The following ITGB4 variants were observed in gnomAD, a reference collection of about 807,000 sequenced individuals.
The protein encoded by ITGB4 is integrin subunit beta 4.
A neutral mutation model predicts 207.6 loss-of-function variants in ITGB4; 159 were observed. That is an observed-to-expected ratio of 0.77 (90% confidence interval 0.67 to 0.87). The LOEUF (loss-of-function observed/expected upper bound fraction) is 0.87. ITGB4 is among the 40% of genes least tolerant of loss of function. The pLI is 0.00. For synonymous variants in ITGB4, 1,020 were observed against 1,062.7 expected, an observed-to-expected ratio of 0.96 and a Z score of 0.78; for missense variants, 2,278 against 2,546.8, an observed-to-expected ratio of 0.89 and a Z score of 2.27.
In ITGB4 at chr17:75,742,728, C is replaced by T. The variant is rs145976111; in HGVS notation, c.2929C>T (p.Arg977Cys). The T allele has an allele frequency of 2.9e-3, 4,631 of 1,612,512 alleles. 17 individuals carry two copies. Among genetic ancestry groups the T allele is most frequent in the Middle Eastern group, 0.012 (72 of 6,062 alleles). The change falls in exon 25 of 40, where the codon CGC (arginine) becomes TGC (cysteine). Residue 977 changes from arginine to cysteine, a missense_variant. Physicochemically the swap from Arg to Cys is radical, Grantham distance 180 (BLOSUM62 -3). Transcript: ENST00000200181. The surrounding 1 kb of genome is among the most constrained non-coding windows in gnomAD (Gnocchi z 5.9). Reference protein sequence around the residue: ...VPAGTATLGRRLVNITIIKEQ... With the variant: ...VPAGTATLGRCLVNITIIKEQ... ...CGCAGGCACTGCCACCCTCGGCCGC[C>T]GCCTGGTAAACATCACCATCATCAA...
In ITGB4 at chr17:75,730,256, C is replaced by T. The variant is rs201494421; in HGVS notation, c.754C>T (p.Arg252Cys). ...TAVCTRDIGW[R>C]PDSTHLLVFS... ...CCTTCCCCAGAGGGACATTGGCTGG[C>T]GCCCGGACAGCACCCACCTGCTGGT... Residue 252 changes from arginine to cysteine, a missense_variant, in exon 8 of 40, where the codon CGC (arginine) becomes TGC (cysteine). Physicochemically the swap from Arg to Cys is radical, Grantham distance 180 (BLOSUM62 -3). Transcript: ENST00000200181. The T allele has an allele frequency of 9.3e-6, 15 of 1,612,004 alleles. No individual in the cohort carries two copies. Among genetic ancestry groups the T allele is most frequent in the South Asian group, 5.5e-5 (5 of 91,070 alleles).
chr17:75,740,368 G>A lies in ITGB4; in HGVS notation c.2457G>A (p.Gly819=). The part of the protein sequence containing the change: ...SINPTELVPY[G]LSLRLARLCT... ...ACCGCCTTTCCTTAGTGCCCTACGG[G>A]CTGTCCTTGCGCCTGGCCCGCCTTT... Residue 819 remains glycine, a synonymous_variant, in exon 21 of 40, where the codon GGG becomes GGA. Coordinates refer to ENST00000200181, the MANE Select transcript of ITGB4 (RefSeq NM_000213.5). The surrounding 1 kb of genome is among the most constrained non-coding windows in gnomAD (Gnocchi z 5.9). 1 of 1,613,444 alleles carries A rather than the reference G, an allele frequency of 6.2e-7. No individual in the cohort carries two copies. The highest frequency in any genetic ancestry group is 8.5e-7 in the Non-Finnish European group (1 of 1,179,970).
Position 75,732,290 on chromosome 17 carries a change from G to A in ITGB4, c.1454+51G>A. On this transcript the variant is annotated intron_variant, in intron 12 of 39. Transcript: ENST00000200181. This position sits in a 1 kb window ranked among gnomAD's most constrained non-coding sequence, Gnocchi z 5.3. ...CCAGGACACCAGTGGCCCCTGATGG[G>A]AAAGCTGGGCTCCTGCAGGGGCCTG... 1 of 1,568,010 alleles carries A rather than the reference G, an allele frequency of 6.4e-7. No individual in the cohort carries two copies. The highest frequency in any genetic ancestry group is 8.8e-7 in the Non-Finnish European group (1 of 1,138,876).
intron 30 of ITGB4, 130 bp from the exon 31 acceptor site, chr17:75,752,044 C>A: frequency 1.0e-6 from 1 of 999,210 alleles, no homozygotes; most frequent in South Asian, 1.3e-5. Context: ...TCAGCAGTGG[C>A]TGGCTTTGCC....
rs1407165838 is a variant in ITGB4 at position 75,751,054 on chromosome 17, A to G, written c.3736A>G (p.Thr1246Ala). 1.8e-5 allele frequency: 29 copies of G among 1,613,882 alleles called. No homozygotes were observed. The highest frequency in any genetic ancestry group is 2.5e-5 in the Non-Finnish European group (29 of 1,180,022). The change falls in exon 30 of 40, where the codon ACC becomes GCC. Residue 1246 changes from threonine (T) to alanine (A), a missense_variant. By Grantham distance (58) the Thr-to-Ala change is moderately conservative. Coordinates refer to ENST00000200181, the MANE Select transcript of ITGB4 (RefSeq NM_000213.5). ...GCTGAGCTGGGCTGAGCCGGCTGAG[A>G]CCAACGGTGAGATCACAGCCTACGA... ...TQLSWAEPAE[T>A]NGEITAYEVC...
In ITGB4 at chr17:75,742,363, A is replaced by G. The variant is rs945905988; in HGVS notation, c.2656A>G (p.Thr886Ala). ...GKKQDHTIVD[T>A]VLMAPRSAKP... ...CAGGCAAGACCACACCATTGTGGAC[A>G]CAGTGCTGATGGCGCCCCGCTCGGC... is the stretch of plus-strand genomic sequence containing the variant. The change falls in exon 24 of 40, where the codon ACA (threonine) becomes GCA (alanine). Residue 886 changes from threonine (T) to alanine (A), a missense_variant. Coordinates refer to ENST00000200181, the MANE Select transcript of ITGB4 (RefSeq NM_000213.5). The surrounding 1 kb of genome is among the most constrained non-coding windows in gnomAD (Gnocchi z 5.9). 6.8e-6 allele frequency: 11 copies of G among 1,613,306 alleles called. No individual in the cohort carries two copies. The highest frequency in any genetic ancestry group is 1.3e-5 in the African/African-American group (1 of 74,948).
intron 12 of ITGB4, among the ~76,000 whole-genome samples, chr17:75,733,210 A>C (rs1476226466): frequency 1.3e-5 from 2 of 151,832 alleles, no homozygotes; most frequent in Non-Finnish European, 2.9e-5. Flanking sequence ...AACATGGTGA[A>C]ACCCCGTCTA....
intron 17 of ITGB4, 33 bp downstream of exon 17, chr17:75,737,477 C>T (rs374536278): frequency 1.2e-5 from 18 of 1,553,148 alleles, no homozygotes; most frequent in Non-Finnish European, 1.4e-5. Flanking sequence ...AGGGAGGGGG[C>T]GTGTGGCCAG....
chr17:75,740,986 C>G lies in ITGB4; in HGVS notation c.2614C>G (p.Gln872Glu). The change falls in exon 23 of 40, where the codon CAG (glutamine) becomes GAG (glutamate). Residue 872 changes from glutamine to glutamate, a missense_variant. Physicochemically the swap from Gln to Glu is conservative, Grantham distance 29. Transcript: ENST00000200181. The surrounding 1 kb of genome is among the most constrained non-coding windows in gnomAD (Gnocchi z 5.9). ...HKLQQTKFRQ[Q>E]PNAGKKQDHT... ...GCGCCCTCTTTGTCCCCACAGGCAG[C>G]AGCCCAATGCCGGGAAAAAGTGAGT... 1 of 1,613,894 alleles carries G rather than the reference C, an allele frequency of 6.2e-7. No individual in the cohort carries two copies.
chr17:75,739,217 C>T lies in ITGB4; in HGVS notation c.2221-455C>T, dbSNP rs1191416145. Among the ~76,000 whole-genome samples the T allele has an allele frequency of 6.6e-6, 1 of 151,580 alleles. No individual in the cohort carries two copies. Among genetic ancestry groups the T allele is most frequent in the Non-Finnish European group, 1.5e-5 (1 of 67,886 alleles). The stretch of plus-strand genomic sequence containing the variant: ...GGCTGAGGCAGGAGAATTGCTTGAA[C>T]CTGGGAGGTAGAGGTTGCAGTGAGC... On this transcript the variant is annotated intron_variant, in intron 18 of 39. Transcript: ENST00000200181. The surrounding 1 kb of genome is among the most constrained non-coding windows in gnomAD (Gnocchi z 5.4).
chr17:75,731,306 G>A lies in ITGB4; in HGVS notation c.1153G>A (p.Val385Ile), dbSNP rs765939074. 1.2e-6 allele frequency: 2 copies of A among 1,613,588 alleles called. No homozygotes were observed. Among genetic ancestry groups the A allele is most frequent in the South Asian group, 2.2e-5 (2 of 91,082 alleles). ...LDSPRGLRTE[V>I]TSKMFQKTRT... ...CAGCCCCCGAGGCCTTCGGACAGAG[G>A]TCACCTCCAAGATGTTCCAGAAGAC... Residue 385 changes from valine (V) to isoleucine (I), a missense_variant, in exon 10 of 40, where the codon GTC becomes ATC. Transcript: ENST00000200181. The surrounding 1 kb of genome is among the most constrained non-coding windows in gnomAD (Gnocchi z 6.8).
chr17:75,756,333 A>G (rs2061501192), intron 35 of ITGB4, 96 bp from the exon 36 acceptor site: 1 of 1,383,314 alleles, frequency 7.2e-7, no homozygotes, highest in Admixed American at 1.8e-5. Flanking sequence ...TGGGTGGGTG[A>G]TAACTAGGTC....
chr17:75,737,153 C>T (rs2060996229), intron 16 of ITGB4, among the ~76,000 whole-genome samples, 169 bp from the exon 17 acceptor site: 2 of 152,186 alleles, frequency 1.3e-5, no homozygotes, highest in Non-Finnish European at 2.9e-5. Flanking sequence ...CCACCACACC[C>T]GTTCCTGTGC....
intron 16 of ITGB4, 132 bp downstream of exon 16, chr17:75,736,826 G>C: frequency 9.9e-7 from 1 of 1,012,404 alleles, no homozygotes; most frequent in Admixed American, 2.1e-5. Context: ...AGGAACTCCA[G>C]AGCTGGGAGG....
chr17:75,747,990 A>C (rs995634898), intron 26 of ITGB4, among the ~76,000 whole-genome samples: 8 of 152,098 alleles, frequency 5.3e-5, no homozygotes, highest in African/African-American at 1.9e-4. Context: ...CTTGCCCTGA[A>C]GTGCCACCTA....
At position 75,740,082 on chromosome 17, in the gene ITGB4, G is replaced by A. The variant is rs1271699811; in HGVS notation, c.2446+11G>A. 2 of 1,607,752 alleles carry A rather than the reference G, an allele frequency of 1.2e-6. No homozygotes were observed. The highest frequency in any genetic ancestry group is 1.1e-5 in the South Asian group (1 of 90,602). ...ACCCCACAGAGCTGGGTGAGGGCGGGGCTGGGCGCCACAGCTCTGGGCAGT... is the reference window on the plus strand; with the variant it reads ...ACCCCACAGAGCTGGGTGAGGGCGGAGCTGGGCGCCACAGCTCTGGGCAGT... On this transcript the variant is annotated intron_variant, in intron 20 of 39. Transcript: ENST00000200181. The surrounding 1 kb of genome is among the most constrained non-coding windows in gnomAD (Gnocchi z 5.9).
chr17:75,727,538 C>T lies in ITGB4; in HGVS notation c.264+33C>T. ...GTGTGGGGACTGGGGTGGGGGCTCC[C>T]CATGCTCAGCCTGGCTATTTATGGG... On this transcript the variant is annotated intron_variant, in intron 4 of 39. Transcript: ENST00000200181. This position sits in a 1 kb window ranked among gnomAD's most constrained non-coding sequence, Gnocchi z 6.0. The T allele has an allele frequency of 1.2e-6, 2 of 1,607,970 alleles. No homozygotes were observed. Among genetic ancestry groups the T allele is most frequent in the Non-Finnish European group, 1.7e-6 (2 of 1,176,694 alleles).
At position 75,731,703 on chromosome 17, in the gene ITGB4, A is replaced by T; in HGVS notation, c.1216-109A>T. ...AGGGAGGTGAGCAGGAGCTCATTTC[A>T]GGGATCCAGACATCTCCTAGGAACT... On this transcript the variant is annotated intron_variant, in intron 10 of 39. Transcript: ENST00000200181. The surrounding 1 kb of genome is among the most constrained non-coding windows in gnomAD (Gnocchi z 6.8). 8.1e-7 allele frequency: 1 copy of T among 1,229,958 alleles called. No homozygotes were observed. The highest frequency in any genetic ancestry group is 1.1e-6 in the Non-Finnish European group (1 of 903,616). 76.2% of individuals were successfully genotyped at this position (1,229,958 alleles called of 1,614,324 possible).
rs959355429 is a variant in ITGB4, at chr17:75,750,546, A to C, written c.3475-134A>C. On this transcript the variant is annotated intron_variant, in intron 28 of 39. Coordinates refer to ENST00000200181, the MANE Select transcript of ITGB4 (RefSeq NM_000213.5). The surrounding 1 kb of genome is among the most constrained non-coding windows in gnomAD (Gnocchi z 5.5). ...TCTGCCCTAGTCCTGACGTGTGCAC[A>C]TGGCAGATCTCTCAGCCCCTCCCTC... is the stretch of plus-strand genomic sequence containing the variant. 9.1e-6 allele frequency: 8 copies of C among 878,240 alleles called. No homozygotes were observed. In the South Asian group the frequency reaches 1.2e-4, roughly 13 times the overall value. The allele number at this position is 878,240 out of a possible 1,614,324, so 54.4% of individuals were successfully genotyped here.
Sources: gnomAD v4.1 joint callset for allele counts (sites outside exome capture counted in the v4.1 genomes callset) on GRCh38, gnomAD v4.1.1 for gene constraint, Gnocchi (gnomAD v3.1) non-coding constraint, MANE v1.5 for transcripts, NCBI Gene and HGNC (gene_info 2026-07-23, HGNC 2026-07-21) for gene names.